TG: variants seen among roughly 807,000 people sequenced by gnomAD.
TG encodes thyroglobulin.
Under a neutral mutation model 324.7 loss-of-function variants are expected in TG, and 270 were observed. The observed-to-expected ratio is 0.83, with a 90% CI of 0.75 to 0.92. TG has a LOEUF of 0.92. Ranked by LOEUF, TG falls within the 40% of genes least tolerant of loss-of-function variation. TG has a pLI of 0.00. For synonymous variants in TG, 1,401 were observed against 1,327.0 expected, an observed-to-expected ratio of 1.06 and a Z score of -1.21; for missense variants, 3,591 against 3,456.4, an observed-to-expected ratio of 1.04 and a Z score of -0.98.
chr8:133,087,331 C>T (rs887592052), intron 41 of TG, among the ~76,000 whole-genome samples: 2 of 152,118 alleles, frequency 1.3e-5, no homozygotes, highest in Non-Finnish European at 2.9e-5. Flanking sequence ...TATATGACAG[C>T]CTTTTTCTAG....
intron 20 of TG, 87 bp downstream of exon 20, chr8:132,913,352 T>A: frequency 7.3e-7 from 1 of 1,366,906 alleles, no homozygotes; most frequent in South Asian, 1.2e-5. Context: ...GAGGCTACTC[T>A]GGACATCCAG....
chr8:133,020,315 G>A (rs999875838), intron 39 of TG, among the ~76,000 whole-genome samples: 1 of 152,186 alleles, frequency 6.6e-6, no homozygotes, highest in African/African-American at 2.4e-5. Flanking sequence ...GTCCAGATGG[G>A]CAGTACCTGG....
Position 133,132,958 on chromosome 8 carries a change from G to A in TG, c.7998-512G>A, listed in dbSNP as rs762734131. ...TCTGGGAAACGTCAGGTGGCTGCAGGGCTGGTGTTTGGGCTACATGGCAGG... is the reference window on the plus strand; with the variant it reads ...TCTGGGAAACGTCAGGTGGCTGCAGAGCTGGTGTTTGGGCTACATGGCAGG... On this transcript the variant is annotated intron_variant, in intron 46 of 47. Transcript: ENST00000220616. Among the ~76,000 whole-genome samples the A allele has an allele frequency of 1.4e-3, 206 of 152,198 alleles. 4 individuals carry two copies. Among genetic ancestry groups the A allele is most frequent in the Non-Finnish European group, 3.2e-4 (22 of 68,038 alleles).
chr8:132,994,362 C>A (rs1276636836), intron 35 of TG, among the ~76,000 whole-genome samples: 2 of 152,098 alleles, frequency 1.3e-5, no homozygotes, highest in Admixed American at 6.5e-5. Context: ...TAAACCGGTT[C>A]TATTCTGAGA....
Position 133,040,306 on chromosome 8 carries a change from G to C in TG, c.7239+10283G>C, listed in dbSNP as rs553701860. 103 of 664,532 alleles carry C rather than the reference G, an allele frequency of 1.5e-4. No homozygotes were observed. In the East Asian group the frequency reaches 2.1e-3, roughly 13 times the overall value. 41.2% of individuals were successfully genotyped at this position (664,532 alleles called of 1,614,324 possible). A position where few individuals can be genotyped will look rare whatever the true frequency, so the allele number is the denominator to read the frequency against. ...AATGCTGAAAGTCACGCGCCCAGCT[G>C]TTTGAGAAATGTAAGCGTGCCCTGG... On this transcript the variant is annotated intron_variant, in intron 41 of 47. Coordinates refer to ENST00000220616, the MANE Select transcript of TG (RefSeq NM_003235.5).
At chr8:132,939,746 G>A (rs2739067) in intron 25 of TG, among the ~76,000 whole-genome samples, 76,718 of 151,452 alleles carry the variant, frequency 0.51, 21,216 homozygotes, top group Non-Finnish European at 0.61. Flanking sequence ...GCAGGATCTC[G>A]GCTCACTGCA....
intron 35 of TG, among the ~76,000 whole-genome samples, chr8:132,989,538 T>C (rs1832041753): frequency 6.6e-6 from 1 of 152,198 alleles, no homozygotes; most frequent in Non-Finnish European, 1.5e-5. Flanking sequence ...TGCTCAGCTT[T>C]CCAGCACCTC....
chr8:133,041,521 G>C (rs961757937), intron 41 of TG, among the ~76,000 whole-genome samples: 1 of 152,194 alleles, frequency 6.6e-6, no homozygotes, highest in African/African-American at 2.4e-5. Flanking sequence ...ACCTGTCATG[G>C]GTTGGAAATT....
intron 34 of TG, among the ~76,000 whole-genome samples, chr8:132,976,568 A>G (rs973675812): frequency 6.6e-6 from 1 of 152,168 alleles, no homozygotes; most frequent in Admixed American, 6.5e-5. Context: ...CCTCTCCCCA[A>G]GCAGGTGGTC....
intron 35 of TG, among the ~76,000 whole-genome samples, chr8:133,009,057 A>T (rs1213084595): frequency 6.6e-6 from 1 of 152,212 alleles, no homozygotes; most frequent in Non-Finnish European, 1.5e-5. Context: ...ACTTGGCTCC[A>T]GGCCCTGGAA....
At chr8:132,926,298 T>A (rs1472341235) in intron 22 of TG, among the ~76,000 whole-genome samples, 1 of 152,250 alleles carries the variant, frequency 6.6e-6, no homozygotes. Flanking sequence ...CTGCCATACC[T>A]GCCTAACTCA....
intron 26 of TG, among the ~76,000 whole-genome samples, chr8:132,947,076 G>A (rs1237567284): frequency 2.0e-5 from 3 of 152,224 alleles, no homozygotes; most frequent in East Asian, 1.9e-4. Flanking sequence ...TTCCACAGCC[G>A]GCCCTCAAGC....
chr8:132,906,720 G>A lies in TG; in HGVS notation c.3667G>A (p.Glu1223Lys). Residue 1223 changes from glutamate (E) to lysine (K), a missense_variant, in exon 17 of 48, where the codon GAG becomes AAG. Glu to Lys is a moderately conservative substitution (Grantham distance 56). Coordinates refer to ENST00000220616, the MANE Select transcript of TG (RefSeq NM_003235.5). ...GTGTCCGCTGCCATTCAACGCGTCGGAGGTGGTTGGTGGAACAATCCTGTG... is the reference window on the plus strand; with the variant it reads ...GTGTCCGCTGCCATTCAACGCGTCGAAGGTGGTTGGTGGAACAATCCTGTG... ...PRCPLPFNAS[E>K]VVGGTILCET... is the part of the protein sequence containing the mutation. The A allele has an allele frequency of 6.2e-7, 1 of 1,614,238 alleles. No individual in the cohort carries two copies. The highest frequency in any genetic ancestry group is 8.5e-7 in the Non-Finnish European group (1 of 1,180,048).
At chr8:132,981,954 G>A (rs964931589) in intron 34 of TG, among the ~76,000 whole-genome samples, 1 of 152,174 alleles carries the variant, frequency 6.6e-6, no homozygotes, top group African/African-American at 2.4e-5. Flanking sequence ...GGCGACCCAC[G>A]CAAGGACTTT....
Position 132,887,547 on chromosome 8 carries a change from A to C in TG, c.2175A>C (p.Lys725Asn). 1.2e-6 allele frequency: 2 copies of C among 1,614,188 alleles called. No homozygotes were observed. Among genetic ancestry groups the C allele is most frequent in the Non-Finnish European group, 1.7e-6 (2 of 1,180,036 alleles). The stretch of plus-strand genomic sequence containing the variant: ...GAAGTGCAATAGGGAAGCCCAAGAA[A>C]TGTAAGTCTGTTGGGTATTCAATCT... The part of the protein sequence containing the change: ...GTRSAIGKPK[K>N]CPTPCQLQSE... Residue 725 changes from lysine (K) to asparagine (N), a missense_variant and splice_region_variant, in exon 9 of 48, where the codon AAA (lysine) becomes AAC (asparagine). Physicochemically the swap from Lys to Asn is moderately conservative, Grantham distance 94. Coordinates refer to ENST00000220616, the MANE Select transcript of TG (RefSeq NM_003235.5).
chr8:133,060,843 G>A (rs989941292), intron 41 of TG, among the ~76,000 whole-genome samples: 1 of 152,132 alleles, frequency 6.6e-6, no homozygotes, highest in African/African-American at 2.4e-5. Flanking sequence ...TCTCAGAAGG[G>A]GTAAGTGACT....
intron 38 of TG, 53 bp from the exon 39 acceptor site, chr8:133,019,549 G>T (rs1302780965): frequency 1.3e-6 from 2 of 1,490,306 alleles, no homozygotes; most frequent in Non-Finnish European, 1.9e-6. Context: ...GTGGTGGGTG[G>T]GGAGGGGTGG....
chr8:133,085,167 A>T (rs1428786141), intron 41 of TG, among the ~76,000 whole-genome samples: 1 of 152,240 alleles, frequency 6.6e-6, no homozygotes, highest in Non-Finnish European at 1.5e-5. Context: ...GTATAAAAAT[A>T]TACCAAGGTA....
chr8:132,973,363 C>T (rs557236639), intron 34 of TG, among the ~76,000 whole-genome samples: 19 of 152,296 alleles, frequency 1.2e-4, no homozygotes, highest in African/African-American at 4.3e-4. Context: ...AGAGTTAGGA[C>T]TTCAGGGCCA....
Sources: gnomAD v4.1 joint callset for allele counts (sites outside exome capture counted in the v4.1 genomes callset) on GRCh38, gnomAD v4.1.1 for gene constraint, MANE v1.5 for transcripts, NCBI Gene and HGNC (gene_info 2026-07-23, HGNC 2026-07-21) for gene names.